Variants in FERMT1 observed in about 807,000 individuals in gnomAD.
The protein encoded by FERMT1 is fermitin family homolog 1.
FERMT1 carries 60 observed loss-of-function variants against 85.3 expected under a neutral mutation model. That is an observed-to-expected ratio of 0.70 (90% CI 0.57 to 0.87). FERMT1 has a LOEUF of 0.87. Ranked by LOEUF, FERMT1 falls within the 40% of genes least tolerant of loss-of-function variation. The probability of loss-of-function intolerance (pLI) is 0.00; values close to 1 mark genes in which losing one functional copy is unlikely to be tolerated. For missense variants in FERMT1, 701 were observed against 818.9 expected, an observed-to-expected ratio of 0.86 and a Z score of 1.76; for synonymous variants, 275 against 301.1, an observed-to-expected ratio of 0.91 and a Z score of 0.90.
intron 8 of FERMT1, among the ~76,000 whole-genome samples, chr20:6,095,401 A>G (rs1600435183): frequency 1.3e-5 from 2 of 152,356 alleles, no homozygotes; most frequent in South Asian, 4.1e-4. Context: ...TACTCCCTAT[A>G]ACTATCATTC....
chr20:6,101,907 C>T (rs1260300640), intron 6 of FERMT1, among the ~76,000 whole-genome samples: 1 of 152,312 alleles, frequency 6.6e-6, no homozygotes, highest in Non-Finnish European at 1.5e-5. Flanking sequence ...CCACCTGCCT[C>T]AGCCTCCCAA....
intron 11 of FERMT1, among the ~76,000 whole-genome samples, chr20:6,085,538 G>A (rs1395736041): frequency 6.6e-6 from 1 of 152,140 alleles, no homozygotes; most frequent in East Asian, 1.9e-4. Context: ...TAAATTGCAT[G>A]CAGGGAATTT....
chr20:6,075,289 G>T lies in FERMT1; in HGVS notation c.*1884C>A, dbSNP rs537579176. On this transcript the variant is annotated 3_prime_UTR_variant, in exon 15 of 15. Coordinates refer to ENST00000217289, the MANE Select transcript of FERMT1 (RefSeq NM_017671.5). ...CAGCAAACAGGTAAAATCTGACATC[G>T]AGAAGCATTATTTTAATGTAGGACC... The T allele has an allele frequency of 2.6e-5, 4 of 152,222 alleles. No homozygotes were observed. The highest frequency in any genetic ancestry group is 4.4e-5 in the Non-Finnish European group (3 of 68,018). 9.4% of individuals were successfully genotyped at this position (152,222 alleles called of 1,614,324 possible).
Position 6,076,334 on chromosome 20 carries a change from G to T in FERMT1, c.*839C>A. On this transcript the variant is annotated 3_prime_UTR_variant, in exon 15 of 15. Transcript: ENST00000217289. Reference sequence around the variant, plus strand: ...TCTATGAACAGAGAGGACTGTGCCTGTCTTCCTGAATCCCAACCCAGAGTA... The same window carrying T: ...TCTATGAACAGAGAGGACTGTGCCTTTCTTCCTGAATCCCAACCCAGAGTA... 1 of 439,154 alleles carries T rather than the reference G, an allele frequency of 2.3e-6. No individual in the cohort carries two copies. The highest frequency in any genetic ancestry group is 4.6e-6 in the Non-Finnish European group (1 of 219,124). 27.2% of individuals were successfully genotyped at this position (439,154 alleles called of 1,614,324 possible).
At chr20:6,098,151 T>C (rs569349535) in intron 6 of FERMT1, among the ~76,000 whole-genome samples, 8 of 152,318 alleles carry the variant, frequency 5.3e-5, no homozygotes, top group African/African-American at 1.4e-4. Context: ...CTGCTGCTTC[T>C]TCACAACCCA....
chr20:6,119,303 A>C, intron 2 of FERMT1, 101 bp downstream of exon 2: 1 of 1,190,378 alleles, frequency 8.4e-7, no homozygotes, highest in Non-Finnish European at 1.2e-6. Flanking sequence ...TCTCCAGGGC[A>C]TTACAAGATA....
intron 5 of FERMT1, among the ~76,000 whole-genome samples, chr20:6,108,336 C>T (rs1982853101): frequency 2.0e-5 from 3 of 152,184 alleles, no homozygotes; most frequent in Admixed American, 1.3e-4. Flanking sequence ...AACAAAAAAT[C>T]AGTAAGCACA....
At chr20:6,080,498 G>T (rs1386589558) in intron 13 of FERMT1, among the ~76,000 whole-genome samples, 4 of 152,150 alleles carry the variant, frequency 2.6e-5, no homozygotes, top group African/African-American at 9.7e-5. Context: ...ATTTTAAAAG[G>T]ATCCCTCTGG....
intron 1 of FERMT1, among the ~76,000 whole-genome samples, chr20:6,119,838 G>A (rs902967348): frequency 1.3e-5 from 2 of 152,120 alleles, no homozygotes; most frequent in African/African-American, 4.8e-5. Flanking sequence ...ACTTGGCTAT[G>A]TATTTCCTTC....
At position 6,103,297 on chromosome 20, in the gene FERMT1, T is replaced by C. The variant is rs575012889; in HGVS notation, c.849+4235A>G. Among the ~76,000 whole-genome samples the C allele has an allele frequency of 1.6e-4, 24 of 152,336 alleles. No individual in the cohort carries two copies. In the South Asian group the frequency reaches 4.3e-3, roughly 28 times the overall value. ...TTTTAAAAACAATATGGTATGAATG[T>C]ATCATAATGTATTTAACCAATTCTG... On this transcript the variant is annotated intron_variant, in intron 6 of 14. Coordinates refer to ENST00000217289, the MANE Select transcript of FERMT1 (RefSeq NM_017671.5).
chr20:6,118,960 T>C (rs1246614016), intron 2 of FERMT1, among the ~76,000 whole-genome samples: 39 of 137,764 alleles, frequency 2.8e-4, no homozygotes, highest in South Asian at 4.5e-4. Flanking sequence ...TTTTTTTTTT[T>C]CCCCCGACAC....
Position 6,077,207 on chromosome 20 carries a change from T to C in FERMT1, c.2000A>G (p.Asp667Gly). The change falls in exon 15 of 15, where the codon GAC becomes GGC. Residue 667 changes from aspartate (D) to glycine (G), a missense_variant. By Grantham distance (94) the Asp-to-Gly change is moderately conservative. Transcript: ENST00000217289. Reference sequence around the variant, plus strand: ...ACCGCCGGTCAATTTGTGGAACAAGTCCTCATCGAGTGTTTCATTCTGGTC... The same window carrying C: ...ACCGCCGGTCAATTTGTGGAACAAGCCCTCATCGAGTGTTTCATTCTGGTC... ...SKDQNETLDE[D>G]LFHKLTGGQD The C allele has an allele frequency of 1.2e-6, 2 of 1,614,122 alleles. No individual in the cohort carries two copies. Among genetic ancestry groups the C allele is most frequent in the Non-Finnish European group, 1.7e-6 (2 of 1,180,028 alleles).
chr20:6,076,688 C>A lies in FERMT1; in HGVS notation c.*485G>T. ...AAAGTGTGTGTAGGAACTCCCTCTG[C>A]CATTTTGAAAAGACAGGAGCTAAAA... On this transcript the variant is annotated 3_prime_UTR_variant, in exon 15 of 15. Coordinates refer to ENST00000217289, the MANE Select transcript of FERMT1 (RefSeq NM_017671.5). 1 of 328,374 alleles carries A rather than the reference C, an allele frequency of 3.0e-6. No homozygotes were observed. Among genetic ancestry groups the A allele is most frequent in the Non-Finnish European group, 6.0e-6 (1 of 166,334 alleles). The allele number at this position is 328,374 out of a possible 1,614,324, so 20.3% of individuals were successfully genotyped here. A position where few individuals can be genotyped will look rare whatever the true frequency, so the allele number is the denominator to read the frequency against.
chr20:6,089,487 G>T (rs970780376), intron 9 of FERMT1, among the ~76,000 whole-genome samples: 4 of 152,232 alleles, frequency 2.6e-5, no homozygotes, highest in African/African-American at 9.6e-5. Flanking sequence ...TGTTAACTGT[G>T]ATGGTGTATG....
At chr20:6,083,661 C>CT (rs200749926) in intron 13 of FERMT1, among the ~76,000 whole-genome samples, 3 of 125,408 alleles carry the variant, frequency 2.4e-5, no homozygotes, top group African/African-American at 6.3e-5. Context: ...AGACACCCCC[C>CT]CCCCCGGCCA....
intron 2 of FERMT1, among the ~76,000 whole-genome samples, chr20:6,117,814 T>G (rs6085411): frequency 0.03 from 4,498 of 149,610 alleles, 91 homozygotes; most frequent in South Asian, 0.052. Flanking sequence ...TCCAAAGTGC[T>G]GGGATTACAG....
Position 6,076,638 on chromosome 20 carries a change from C to T in FERMT1, c.*535G>A, listed in dbSNP as rs1013538347. On this transcript the variant is annotated 3_prime_UTR_variant, in exon 15 of 15. Coordinates refer to ENST00000217289, the MANE Select transcript of FERMT1 (RefSeq NM_017671.5). ...GGTAGCCCCACCCCTCCCCTTTCTA[C>T]CCCTAGACCTTGGCCTCCAGGGAAA... The T allele has an allele frequency of 2.8e-6, 1 of 356,394 alleles. No individual in the cohort carries two copies. 22.1% of individuals were successfully genotyped at this position (356,394 alleles called of 1,614,324 possible). A position where few individuals can be genotyped will look rare whatever the true frequency, so the allele number is the denominator to read the frequency against.
rs1416522714 is a variant in FERMT1 at position 6,085,344 on chromosome 20, C to T, written c.1372-57G>A. ...CAAGTGCAAAGCCCCCTGCTGCACA[C>T]AGAGGGGGACTTGGGCTTTCTACCC... On this transcript the variant is annotated intron_variant, in intron 11 of 14. Coordinates refer to ENST00000217289, the MANE Select transcript of FERMT1 (RefSeq NM_017671.5). 1.3e-5 allele frequency: 19 copies of T among 1,480,134 alleles called. No individual in the cohort carries two copies. The East Asian group carries it at 2.9e-4, about 23-fold the overall frequency. The allele number at this position is 1,480,134 out of a possible 1,614,324, so 91.7% of individuals were successfully genotyped here.
At chr20:6,082,019 C>A (rs1209207231) in intron 13 of FERMT1, among the ~76,000 whole-genome samples, 1 of 152,172 alleles carries the variant, frequency 6.6e-6, no homozygotes, top group Non-Finnish European at 1.5e-5. Flanking sequence ...GGACCTAGGT[C>A]TCTCGGGTGT....
Sources: allele counts gnomAD v4.1 joint callset (sites outside exome capture counted in the v4.1 genomes callset), GRCh38; gene constraint gnomAD v4.1.1; transcripts MANE v1.5; gene names NCBI Gene and HGNC (gene_info 2026-07-23, HGNC 2026-07-21).